Variants in NEGR1 observed in about 807,000 individuals in gnomAD.
The protein encoded by NEGR1 is IgLON family member 4.
A neutral mutation model predicts 40.9 loss-of-function variants in NEGR1; 10 were observed. That is an observed-to-expected ratio of 0.24 (90% CI 0.15 to 0.42). The LOEUF (loss-of-function observed/expected upper bound fraction) is 0.42. Among genes scored for constraint, NEGR1 ranks in the 10% least tolerant of loss-of-function variants. NEGR1 has a pLI of 1.00. For missense variants in NEGR1, 352 were observed against 438.9 expected (o/e 0.80, Z 1.77); for synonymous variants, 185 against 166.8 (o/e 1.11, Z -0.84).
At chr1:72,085,491 T>C (rs1380807668) in intron 1 of NEGR1, among the ~76,000 whole-genome samples, 2 of 152,200 alleles carry the variant, frequency 1.3e-5, no homozygotes, top group African/African-American at 4.8e-5. Context: ...GTTGCAATTG[T>C]CAAACTAGGT....
At chr1:71,586,767 C>T (rs1345725673) in intron 6 of NEGR1, among the ~76,000 whole-genome samples, 1 of 152,114 alleles carries the variant, frequency 6.6e-6, no homozygotes, top group African/African-American at 2.4e-5. Context: ...TTGCTTTACT[C>T]ATACTACACT....
chr1:71,917,458 A>T (rs1220374241), intron 2 of NEGR1, among the ~76,000 whole-genome samples: 1 of 152,188 alleles, frequency 6.6e-6, no homozygotes, highest in African/African-American at 2.4e-5. Context: ...TTTGATCTTG[A>T]TAAGGCCATA....
intron 6 of NEGR1, among the ~76,000 whole-genome samples, chr1:71,411,821 G>A (rs1041048625): frequency 2.0e-5 from 3 of 151,936 alleles, no homozygotes; most frequent in Admixed American, 2.0e-4. Context: ...CCAACATGGC[G>A]AAACCCCGCC....
At chr1:72,109,425 C>A (rs1182785290) in intron 1 of NEGR1, among the ~76,000 whole-genome samples, 1 of 151,514 alleles carries the variant, frequency 6.6e-6, no homozygotes, top group African/African-American at 2.4e-5. Flanking sequence ...TAAACTTTTT[C>A]TTTCAAAACC....
intron 6 of NEGR1, among the ~76,000 whole-genome samples, chr1:71,484,489 A>G (rs1646874775): frequency 1.3e-5 from 2 of 151,816 alleles, no homozygotes; most frequent in Non-Finnish European, 2.9e-5. Context: ...CATCTTTAAA[A>G]AGCCAATATC....
At position 72,074,372 on chromosome 1, in the gene NEGR1, G is replaced by C. The variant is rs575189590; in HGVS notation, c.177-139061C>G. On this transcript the variant is annotated intron_variant, in intron 1 of 6. Transcript: ENST00000357731. ...GTGCCTCAAATATTTATATAGTTTA[G>C]TTATACTTATATTAATATTATTCTT... Among the ~76,000 whole-genome samples, 53 of 152,018 alleles carry C rather than the reference G, an allele frequency of 3.5e-4. 1 individual carries two copies. Among genetic ancestry groups the C allele is most frequent in the South Asian group, 1.7e-3 (8 of 4,820 alleles).
At chr1:72,112,248 G>C (rs780307988) in intron 1 of NEGR1, among the ~76,000 whole-genome samples, 1 of 143,704 alleles carries the variant, frequency 7.0e-6, no homozygotes, top group Non-Finnish European at 1.5e-5. Context: ...ATGGCTCAGA[G>C]TTGTACACTT....
At chr1:71,566,125 A>G (rs1648612087) in intron 6 of NEGR1, among the ~76,000 whole-genome samples, 1 of 151,968 alleles carries the variant, frequency 6.6e-6, no homozygotes, top group African/African-American at 2.4e-5. Context: ...TTGGTTTTGG[A>G]TTTCTTCTGG....
At chr1:71,936,417 C>G (rs976148878) in intron 1 of NEGR1, among the ~76,000 whole-genome samples, 2 of 152,018 alleles carry the variant, frequency 1.3e-5, no homozygotes, top group Non-Finnish European at 2.9e-5. Flanking sequence ...CAATTATTAC[C>G]ATACAGAAAG....
chr1:71,899,463 G>T (rs934488198), intron 2 of NEGR1, among the ~76,000 whole-genome samples: 11 of 152,028 alleles, frequency 7.2e-5, no homozygotes, highest in African/African-American at 2.7e-4. Context: ...CTGAGCTGGG[G>T]TATTATCACA....
chr1:71,637,464 G>A (rs1227871405), intron 4 of NEGR1, among the ~76,000 whole-genome samples: 1 of 151,840 alleles, frequency 6.6e-6, no homozygotes, highest in African/African-American at 2.4e-5. Context: ...TTAAAGTGAT[G>A]ATTATTTTAT....
intron 3 of NEGR1, among the ~76,000 whole-genome samples, chr1:71,751,914 G>A (rs1655583138): frequency 6.6e-6 from 1 of 152,126 alleles, no homozygotes; most frequent in Non-Finnish European, 1.5e-5. Context: ...CGTCATATGA[G>A]AATATGAAAT....
At chr1:71,788,740 G>A (rs1657002077) in intron 2 of NEGR1, among the ~76,000 whole-genome samples, 1 of 151,674 alleles carries the variant, frequency 6.6e-6, no homozygotes, top group South Asian at 2.1e-4. Context: ...CTGAGATATG[G>A]TAACAGTGGG....
In NEGR1 at chr1:71,401,462, G is replaced by A. The variant is rs1646246144; in HGVS notation, c.*5984C>T. On this transcript the variant is annotated 3_prime_UTR_variant, in exon 7 of 7. Transcript: ENST00000357731. ...ACTTTTTATGTTTTTCAAACTAAGT[G>A]GTGATATCCATAGGATTTGTATTAT... The A allele has an allele frequency of 1.3e-5, 2 of 152,196 alleles. No homozygotes were observed. The highest frequency in any genetic ancestry group is 1.3e-4 in the Admixed American group (2 of 15,290). The allele number at this position is 152,196 out of a possible 1,614,324, so 9.4% of individuals were successfully genotyped here.
At chr1:71,571,751 C>T (rs753352173) in intron 6 of NEGR1, among the ~76,000 whole-genome samples, 11 of 147,506 alleles carry the variant, frequency 7.5e-5, no homozygotes, top group Non-Finnish European at 1.5e-4. Flanking sequence ...TGTCATGGTG[C>T]CACTCCAGCC....
intron 2 of NEGR1, among the ~76,000 whole-genome samples, chr1:71,882,729 A>AC (rs1216714745): frequency 6.6e-6 from 1 of 151,486 alleles, no homozygotes; most frequent in Non-Finnish European, 1.5e-5. Flanking sequence ...GTCTTCAGAA[A>AC]AAAAAAAAAA....
intron 2 of NEGR1, among the ~76,000 whole-genome samples, chr1:71,784,199 G>A (rs894078041): frequency 2.0e-5 from 3 of 152,082 alleles, no homozygotes; most frequent in African/African-American, 7.2e-5. Flanking sequence ...ATGGGAGAAA[G>A]GTTGATTTAG....
chr1:71,740,789 A>G (rs1570281399), intron 3 of NEGR1, among the ~76,000 whole-genome samples: 1 of 152,332 alleles, frequency 6.6e-6, no homozygotes, highest in Non-Finnish European at 1.5e-5. Context: ...AATACTGATT[A>G]GTCTACTTTT....
At chr1:71,578,209 C>T (rs1027729003) in intron 6 of NEGR1, among the ~76,000 whole-genome samples, 1 of 152,038 alleles carries the variant, frequency 6.6e-6, no homozygotes, top group African/African-American at 2.4e-5. Flanking sequence ...TCTCATCGTG[C>T]TCCTATTATA....
Sources: allele counts gnomAD v4.1 joint callset (sites outside exome capture counted in the v4.1 genomes callset), GRCh38; gene constraint gnomAD v4.1.1; transcripts MANE v1.5; gene names NCBI Gene and HGNC (gene_info 2026-07-23, HGNC 2026-07-21).